Variants in BCOR observed in about 807,000 individuals in gnomAD.
BCOR encodes the protein BCL6 corepressor, also known as BCL-6 corepressor.
Under a neutral mutation model 86.7 loss-of-function variants are expected in BCOR, and 10 were observed. The ratio of observed to expected loss-of-function variants is 0.12; its 90% confidence interval spans 0.07 to 0.20. BCOR has a LOEUF of 0.20. Among genes scored for constraint, BCOR ranks in the 10% least tolerant of loss-of-function variants. The pLI is 1.00. For missense variants in BCOR, 1,259 were observed against 1,452.1 expected (o/e 0.87, Z 2.16); for synonymous variants, 611 against 609.0 (o/e 1.00, Z -0.05).
At chrX:40,071,277 G>T in intron 5 of BCOR, 118 bp from the exon 6 acceptor site, 1 of 692,575 alleles carries the variant, frequency 1.4e-6, no homozygotes, top group Non-Finnish European at 2.1e-6. Context: ...ACCAACCACA[G>T]CTTATGAGAT....
intron 1 of BCOR, among the ~76,000 whole-genome samples, chrX:40,090,692 G>C (rs900477340): frequency 1.2e-4 from 13 of 112,571 alleles, no homozygotes; most frequent in Non-Finnish European, 2.4e-4. Flanking sequence ...GCCTGCCCGC[G>C]GTGCGCTCTC....
intron 1 of BCOR, among the ~76,000 whole-genome samples, chrX:40,141,597 C>G (rs1937924169): frequency 9.0e-6 from 1 of 111,421 alleles, no homozygotes; most frequent in Non-Finnish European, 1.9e-5. Flanking sequence ...ATTCCCTTAC[C>G]AGCTCCCCCA....
chrX:40,078,078 AGGCAGGCTGTGCCTGCTGTCTACAGT>A (rs1437791217), intron 1 of BCOR, 109 bp from the exon 2 acceptor site: 13 of 521,753 alleles, frequency 2.5e-5, no homozygotes, highest in Non-Finnish European at 3.7e-5. Context: ...CAGATGGGGA[AGGCAGGCTGTGCCTGCTGTCTACAGT>A]GGTCTGGGAG....
At position 40,080,853 on chromosome X, in the gene BCOR, TGTG is replaced by T. The variant is rs1448089595; in HGVS notation, c.-40-2887_-40-2885del. ...GTGTGTGTGTGTGTGTGTGTGTGTG[TGTG>T]TGTGTGTGTTTTGGGAGGGAAGGGG... On this transcript the variant is annotated intron_variant, in intron 1 of 14. Coordinates refer to ENST00000378444, the MANE Select transcript of BCOR (RefSeq NM_001123385.2). Among the ~76,000 whole-genome samples the T allele has an allele frequency of 8.2e-5, 8 of 97,421 alleles. No individual in the cohort carries two copies. In the East Asian group the frequency reaches 1.9e-3, roughly 24 times the overall value. 84.6% of individuals were successfully genotyped at this position (97,421 alleles called of 115,157 possible). A position where few individuals can be genotyped will look rare whatever the true frequency, so the allele number is the denominator to read the frequency against.
chrX:40,098,440 G>C (rs887413090), upstream of BCOR, among the ~76,000 whole-genome samples: 9 of 111,290 alleles, frequency 8.1e-5, no homozygotes, highest in East Asian at 2.3e-3. Context: ...GCGGCGGCGA[G>C]GGCTGCCGGC....
At chrX:40,094,871 G>A (rs1213152862) in intron 1 of BCOR, among the ~76,000 whole-genome samples, 1 of 113,244 alleles carries the variant, frequency 8.8e-6, no homozygotes, top group East Asian at 2.8e-4. Context: ...GGACGGCCCT[G>A]CAAAGGGCTG....
Position 40,080,302 on chromosome X carries a change from G to A in BCOR, c.-40-2333C>T, listed in dbSNP as rs760066368. ...ACTAAAAATACAAAATTAGCTGGGC[G>A]TGGTGGTGCGTGCCTGCAATCCCAG... On this transcript the variant is annotated intron_variant, in intron 1 of 14. Coordinates refer to ENST00000378444, the MANE Select transcript of BCOR (RefSeq NM_001123385.2). Among the ~76,000 whole-genome samples, 93 of 109,904 alleles carry A rather than the reference G, an allele frequency of 8.5e-4. 1 individual carries two copies. The highest frequency in any genetic ancestry group is 2.7e-3 in the African/African-American group (81 of 29,535).
intron 1 of BCOR, among the ~76,000 whole-genome samples, chrX:40,085,597 G>A (rs985688796): frequency 9.0e-6 from 1 of 110,563 alleles, no homozygotes; most frequent in Non-Finnish European, 1.9e-5. Flanking sequence ...TGCTGAGGGT[G>A]GGGGGGACAG....
intron 1 of BCOR, among the ~76,000 whole-genome samples, chrX:40,119,268 G>A (rs1357147376): frequency 1.9e-5 from 2 of 104,907 alleles, no homozygotes; most frequent in Non-Finnish European, 3.9e-5. Flanking sequence ...TTTTGGTGGT[G>A]GTGCCGGTGG....
At chrX:40,055,548 C>A (rs748143111) in intron 11 of BCOR, 35 bp from the exon 12 acceptor site, 1 of 1,206,355 alleles carries the variant, frequency 8.3e-7, no homozygotes, top group Non-Finnish European at 1.1e-6. Context: ...TATGCTCATG[C>A]AAGCCACACT....
At chrX:40,159,906 A>G (rs997218972) in intron 1 of BCOR, among the ~76,000 whole-genome samples, 4 of 108,841 alleles carry the variant, frequency 3.7e-5, no homozygotes, top group Non-Finnish European at 5.7e-5. Context: ...TAACTCCAGG[A>G]AAAAAAAATC....
chrX:40,154,538 C>T (rs1938244802), intron 1 of BCOR, among the ~76,000 whole-genome samples: 1 of 110,952 alleles, frequency 9.0e-6, no homozygotes. Context: ...GCCCGAGGTG[C>T]CCTGTCACCA....
In BCOR at chrX:40,051,848, C is replaced by A; in HGVS notation, c.*261G>T. On this transcript the variant is annotated 3_prime_UTR_variant, in exon 15 of 15. Coordinates refer to ENST00000378444, the MANE Select transcript of BCOR (RefSeq NM_001123385.2). ...TAAAAAAGAAAAGAAACAAATGTTCCAAGTAAAAACAAACGTATCCCAAAG... is the reference window on the plus strand; with the variant it reads ...TAAAAAAGAAAAGAAACAAATGTTCAAAGTAAAAACAAACGTATCCCAAAG... 3.6e-6 allele frequency: 1 copy of A among 277,257 alleles called. No homozygotes were observed. The allele number at this position is 277,257 out of a possible 1,213,427, so 22.8% of individuals were successfully genotyped here.
At position 40,072,260 on chromosome X, in the gene BCOR, C is replaced by T. The variant is rs997549895; in HGVS notation, c.2997+89G>A. 6 of 972,402 alleles carry T rather than the reference C, an allele frequency of 6.2e-6. No homozygotes were observed. In the African/African-American group the frequency reaches 1.2e-4, roughly 19 times the overall value. 80.1% of individuals were successfully genotyped at this position (972,402 alleles called of 1,213,427 possible). On this transcript the variant is annotated intron_variant, in intron 4 of 14. Coordinates refer to ENST00000378444, the MANE Select transcript of BCOR (RefSeq NM_001123385.2). ...CTTCATTCACCAAATCTGCCTGGTG[C>T]CCTGCCCTACCATACTCCCCCAATC...
At chrX:40,090,721 CCGGGAAGGGGGAGGGGAGAGAGAGCAAGG>C (rs1331210652) in intron 1 of BCOR, among the ~76,000 whole-genome samples, 4 of 112,421 alleles carry the variant, frequency 3.6e-5, no homozygotes, top group Non-Finnish European at 5.6e-5. Context: ...GTCTAATGCT[CCGGGAAGGGGGAGGGGAGAGAGAGCAAGG>C]CGGGAAGGGG....
rs1198182534 is a variant in BCOR, at chrX:40,053,954, C to T, written c.4908G>A (p.Val1636=). The T allele has an allele frequency of 1.7e-6, 2 of 1,209,260 alleles. No individual in the cohort carries two copies. The highest frequency in any genetic ancestry group is 3.5e-5 in the African/African-American group (2 of 57,104). ...QDDDDDAYSD[V]FEFEFSETPL... ...GGGTCTCTGAAAATTCAAATTCAAA[C>T]ACATCGCTATAGGCATCGTCATCAT... Residue 1636 remains valine (V), a synonymous_variant, in exon 14 of 15, where the codon GTG becomes GTA. Coordinates refer to ENST00000378444, the MANE Select transcript of BCOR (RefSeq NM_001123385.2).
chrX:40,156,209 CCT>C (rs1462955447), intron 1 of BCOR, among the ~76,000 whole-genome samples: 3 of 112,788 alleles, frequency 2.7e-5, no homozygotes, highest in African/African-American at 9.7e-5. Flanking sequence ...GGTAGGGACT[CCT>C]AGCGTAATTA....
At chrX:40,096,847 C>T (rs376335049) in intron 1 of BCOR, among the ~76,000 whole-genome samples, 5 of 110,329 alleles carry the variant, frequency 4.5e-5, no homozygotes, top group East Asian at 2.9e-4. Context: ...ACCTCCCCCC[C>T]CTCCGCCCGA....
At chrX:40,105,128 G>A (rs1279717588) in intron 1 of BCOR, among the ~76,000 whole-genome samples, 1 of 111,223 alleles carries the variant, frequency 9.0e-6, no homozygotes, top group Admixed American at 9.3e-5. Flanking sequence ...CGAGGAGGGG[G>A]TGCTGGGAGG....
Sources: allele counts gnomAD v4.1 joint callset (sites outside exome capture counted in the v4.1 genomes callset), GRCh38; gene constraint gnomAD v4.1.1; transcripts MANE v1.5; gene names NCBI Gene and HGNC (gene_info 2026-07-23, HGNC 2026-07-21).